The following SCP2 variants were observed in gnomAD, a reference collection of about 807,000 sequenced individuals.
SCP2 encodes the protein sterol carrier protein 2.
In SCP2, 48 loss-of-function variants were observed where a neutral mutation model predicts 71.4. The observed-to-expected ratio is 0.67, with a 90% CI of 0.53 to 0.86. The LOEUF (loss-of-function observed/expected upper bound fraction) is 0.86. Among genes scored for constraint, SCP2 ranks in the 40% least tolerant of loss-of-function variants. The pLI is 0.00. For synonymous variants in SCP2, 220 were observed against 218.1 expected, an observed-to-expected ratio of 1.01 and a Z score of -0.08; for missense variants, 560 against 655.6, an observed-to-expected ratio of 0.85 and a Z score of 1.59.
chr1:52,947,287 TA>T (rs1467416517), intron 2 of SCP2, among the ~76,000 whole-genome samples: 2 of 145,206 alleles, frequency 1.4e-5, no homozygotes, highest in Non-Finnish European at 3.0e-5. Context: ...GAGTGGCTTA[TA>T]ATTCTCAGGC....
At chr1:53,047,690 T>C (rs553378229) in intron 14 of SCP2, among the ~76,000 whole-genome samples, 168 bp from the exon 15 acceptor site, 6 of 152,342 alleles carry the variant, frequency 3.9e-5, no homozygotes, top group African/African-American at 7.2e-5. Context: ...GCTTGTGGTT[T>C]ATGTCACATT....
At chr1:52,932,743 C>G (rs1242629742) in intron 1 of SCP2, among the ~76,000 whole-genome samples, 1 of 152,034 alleles carries the variant, frequency 6.6e-6, no homozygotes, top group East Asian at 1.9e-4. Flanking sequence ...ATGAGTTAGG[C>G]AAATTAAACT....
chr1:52,979,052 CTG>C (rs1658234114), intron 9 of SCP2, among the ~76,000 whole-genome samples: 1 of 152,210 alleles, frequency 6.6e-6, no homozygotes, highest in African/African-American at 2.4e-5. Flanking sequence ...TACAACAACA[CTG>C]TGAACTGGAA....
intron 12 of SCP2, among the ~76,000 whole-genome samples, chr1:53,026,575 A>G (rs1472588461): frequency 1.3e-5 from 2 of 152,236 alleles, no homozygotes; most frequent in Non-Finnish European, 2.9e-5. Context: ...TGGGAGGCCA[A>G]TGTGGGAGGA....
At chr1:52,960,607 T>C (rs1656309498) in intron 5 of SCP2, among the ~76,000 whole-genome samples, 2 of 144,858 alleles carry the variant, frequency 1.4e-5, no homozygotes, top group African/African-American at 5.3e-5. Flanking sequence ...TATATGTATG[T>C]ATATATGTAT....
rs139031316 is a variant in SCP2 at position 52,940,274 on chromosome 1, C to T, written c.70-1522C>T. 530 of 153,466 alleles carry T rather than the reference C, an allele frequency of 3.5e-3. 1 individual carries two copies. Among genetic ancestry groups the T allele is most frequent in the Non-Finnish European group, 4.5e-3 (306 of 68,214 alleles). 9.5% of individuals were successfully genotyped at this position (153,466 alleles called of 1,614,324 possible). ...CAAAAATTAACTTAGCGTGGTGGTGCGTGCCTGTAGTCCCAGCTACTGTGG... is the reference window on the plus strand; with the variant it reads ...CAAAAATTAACTTAGCGTGGTGGTGTGTGCCTGTAGTCCCAGCTACTGTGG... On this transcript the variant is annotated intron_variant, in intron 1 of 15. Transcript: ENST00000371514.
intron 5 of SCP2, among the ~76,000 whole-genome samples, chr1:52,956,852 A>G (rs1218699512): frequency 6.6e-6 from 1 of 151,666 alleles, no homozygotes; most frequent in African/African-American, 2.4e-5. Context: ...CCATAATCCC[A>G]TAGTACAATT....
rs184977250 is a variant in SCP2 at position 53,008,363 on chromosome 1, T to C, written c.1082-6527T>C. ...TTAGACCAATATCCCTGATGAACATTGATGCAAAAGTCCTCAATAAAATAC... is the reference window on the plus strand; with the variant it reads ...TTAGACCAATATCCCTGATGAACATCGATGCAAAAGTCCTCAATAAAATAC... On this transcript the variant is annotated intron_variant, in intron 11 of 15. Transcript: ENST00000371514. 3.6e-3 allele frequency among the ~76,000 whole-genome samples: 553 copies of C among 152,238 alleles called. 3 individuals are homozygous for C. The highest frequency in any genetic ancestry group is 0.013 in the African/African-American group (529 of 41,542).
intron 1 of SCP2, chr1:52,928,596 C>A (rs1249455164): frequency 4.6e-5 from 7 of 152,424 alleles, no homozygotes; most frequent in African/African-American, 1.2e-4. Flanking sequence ...GCCTGGCCAA[C>A]ATGGTGAAAC....
At chr1:53,013,797 T>C (rs1296829888) in intron 11 of SCP2, among the ~76,000 whole-genome samples, 1 of 151,714 alleles carries the variant, frequency 6.6e-6, no homozygotes, top group South Asian at 2.1e-4. Context: ...TACTCAGGAA[T>C]TGGAAGTTGT....
At position 52,964,996 on chromosome 1, in the gene SCP2, G is replaced by A. The variant is rs200799791; in HGVS notation, c.523+3367G>A. On this transcript the variant is annotated intron_variant, in intron 6 of 15. Transcript: ENST00000371514. Reference sequence around the variant, plus strand: ...ACTGCACTCTAGCCTGGGCAACAGAGCGAGACTCCATCTCAAAAACAAACA... The same window carrying A: ...ACTGCACTCTAGCCTGGGCAACAGAACGAGACTCCATCTCAAAAACAAACA... Among the ~76,000 whole-genome samples, 21 of 151,968 alleles carry A rather than the reference G, an allele frequency of 1.4e-4. No homozygotes were observed. In the East Asian group the frequency reaches 2.7e-3, roughly 20 times the overall value.
intron 8 of SCP2, 112 bp from the exon 9 acceptor site, chr1:52,978,105 C>A: frequency 1.1e-6 from 1 of 922,070 alleles, no homozygotes; most frequent in Non-Finnish European, 1.8e-6. Flanking sequence ...GAAGACAATC[C>A]ACTGACCAGC....
At chr1:53,021,378 G>A (rs915008099) in intron 12 of SCP2, among the ~76,000 whole-genome samples, 15 of 145,948 alleles carry the variant, frequency 1.0e-4, no homozygotes, top group African/African-American at 3.6e-4. Context: ...GTGCAGTTGC[G>A]CAATCTTGGC....
At chr1:53,029,816 A>C (rs1416363906) in intron 13 of SCP2, among the ~76,000 whole-genome samples, 1 of 152,128 alleles carries the variant, frequency 6.6e-6, no homozygotes, top group East Asian at 1.9e-4. Flanking sequence ...ATGCATCCAC[A>C]TGGGGCTACC....
At chr1:53,043,905 A>T (rs894898167) in intron 14 of SCP2, among the ~76,000 whole-genome samples, 1 of 152,138 alleles carries the variant, frequency 6.6e-6, no homozygotes, top group South Asian at 2.1e-4. Flanking sequence ...GAGTATTAAG[A>T]GAAGATTTTC....
At position 52,946,814 on chromosome 1, in the gene SCP2, T is replaced by C. The variant is rs138170930; in HGVS notation, c.128-1195T>C. Among the ~76,000 whole-genome samples the C allele has an allele frequency of 1.1e-3, 162 of 150,614 alleles. 2 individuals carry two copies. Among genetic ancestry groups the C allele is most frequent in the African/African-American group, 3.8e-3 (154 of 41,046 alleles). On this transcript the variant is annotated intron_variant, in intron 2 of 15. Coordinates refer to ENST00000371514, the MANE Select transcript of SCP2 (RefSeq NM_002979.5). Reference sequence around the variant, plus strand: ...GCTCACACCTGTAATTCCAGCACCTTGGGAGGCCAAGGGAGGTGGATCACT... The same window carrying C: ...GCTCACACCTGTAATTCCAGCACCTCGGGAGGCCAAGGGAGGTGGATCACT...
intron 14 of SCP2, among the ~76,000 whole-genome samples, chr1:53,045,155 C>T (rs1304888177): frequency 6.6e-6 from 1 of 152,082 alleles, no homozygotes; most frequent in Non-Finnish European, 1.5e-5. Context: ...AATGAGTACA[C>T]CTCCAAGGTC....
intron 12 of SCP2, among the ~76,000 whole-genome samples, chr1:53,018,421 C>CTT (rs1160584027): frequency 6.6e-6 from 1 of 152,084 alleles, no homozygotes; most frequent in East Asian, 1.9e-4. Flanking sequence ...TATTCTTTTG[C>CTT]TTAACCACAG....
intron 11 of SCP2, chr1:52,993,239 C>A (rs368257195): frequency 6.2e-7 from 1 of 1,613,974 alleles, no homozygotes; most frequent in Middle Eastern, 1.6e-4. Context: ...TTTTTCTTTC[C>A]GTGTTGGTTC....
Sources: allele counts gnomAD v4.1 joint callset (sites outside exome capture counted in the v4.1 genomes callset), GRCh38; gene constraint gnomAD v4.1.1; transcripts MANE v1.5; gene names NCBI Gene and HGNC (gene_info 2026-07-23, HGNC 2026-07-21).